ENPP6: variants seen among roughly 807,000 people sequenced by gnomAD.
The protein encoded by ENPP6 is glycerophosphocholine cholinephosphodiesterase ENPP6.
A neutral mutation model predicts 42.0 loss-of-function variants in ENPP6; 32 were observed. The ratio of observed to expected loss-of-function variants is 0.76; its 90% CI spans 0.58 to 1.02. The LOEUF (loss-of-function observed/expected upper bound fraction) is 1.02, where lower values mean the gene tolerates loss of function less well. ENPP6 is among the 50% of genes least tolerant of loss of function. The pLI is 0.00. For missense variants in ENPP6, 552 were observed against 566.8 expected (o/e 0.97, Z 0.27); for synonymous variants, 213 against 216.0 (o/e 0.99, Z 0.12).
intron 7 of ENPP6, among the ~76,000 whole-genome samples, chr4:184,094,108 T>G (rs79056496): frequency 0.043 from 6,477 of 151,944 alleles, 380 homozygotes; most frequent in African/African-American, 0.13. Flanking sequence ...TGGCAAGACC[T>G]CAACTCTGCA....
intron 2 of ENPP6, among the ~76,000 whole-genome samples, chr4:184,133,598 C>T (rs867476261): frequency 2.6e-5 from 4 of 152,064 alleles, no homozygotes; most frequent in East Asian, 1.9e-4. Flanking sequence ...CCTGCTCCCC[C>T]GAAGGACCCT....
intron 1 of ENPP6, among the ~76,000 whole-genome samples, chr4:184,169,926 G>A (rs35905078): frequency 0.081 from 12,381 of 152,168 alleles, 634 homozygotes; most frequent in South Asian, 0.16. Context: ...TCCCCACACT[G>A]GAATATTTTT....
intron 1 of ENPP6, among the ~76,000 whole-genome samples, chr4:184,193,364 A>G (rs1732734745): frequency 6.6e-6 from 1 of 152,238 alleles, no homozygotes; most frequent in African/African-American, 2.4e-5. Context: ...TTACTGAATG[A>G]AAGCAGCCAG....
intron 5 of ENPP6, 127 bp from the exon 6 acceptor site, chr4:184,112,936 T>C: frequency 1.8e-6 from 2 of 1,135,262 alleles, no homozygotes; most frequent in Non-Finnish European, 2.4e-6. Flanking sequence ...ACTTGATAGA[T>C]TTGAATATGT....
intron 2 of ENPP6, among the ~76,000 whole-genome samples, chr4:184,149,743 T>C (rs1736991707): frequency 1.3e-5 from 2 of 152,240 alleles, no homozygotes; most frequent in South Asian, 4.1e-4. Flanking sequence ...TGCTATTTTT[T>C]ATTCCTTTTT....
intron 1 of ENPP6, among the ~76,000 whole-genome samples, chr4:184,166,998 T>A (rs1737360041): frequency 6.6e-6 from 1 of 152,226 alleles, no homozygotes; most frequent in African/African-American, 2.4e-5. Flanking sequence ...ATTCTCCTCA[T>A]GCCATGGGCA....
intron 2 of ENPP6, among the ~76,000 whole-genome samples, chr4:184,133,826 A>G (rs1444501148): frequency 6.6e-6 from 1 of 151,464 alleles, no homozygotes; most frequent in Non-Finnish European, 1.5e-5. Flanking sequence ...AAATGATTAG[A>G]TGATTTTCTC....
chr4:184,165,320 T>A lies in ENPP6; in HGVS notation c.242-11587A>T, dbSNP rs545036370. Among the ~76,000 whole-genome samples, 4 of 152,346 alleles carry A rather than the reference T, an allele frequency of 2.6e-5. No homozygotes were observed. In the South Asian group the frequency reaches 8.3e-4, roughly 32 times the overall value. On this transcript the variant is annotated intron_variant, in intron 1 of 7. Transcript: ENST00000296741. Reference sequence around the variant, plus strand: ...ATATTACCTCCATTTTGCTGATGCTTAAGAACTAAGATTCAAAGTGGCTGA... The same window carrying A: ...ATATTACCTCCATTTTGCTGATGCTAAAGAACTAAGATTCAAAGTGGCTGA...
chr4:184,099,566 G>A (rs1051003398), intron 6 of ENPP6, among the ~76,000 whole-genome samples: 2 of 152,208 alleles, frequency 1.3e-5, no homozygotes, highest in Non-Finnish European at 2.9e-5. Flanking sequence ...GGCAGTGTGG[G>A]TTGTGAGGGC....
chr4:184,111,818 G>C (rs1736200076), intron 6 of ENPP6, among the ~76,000 whole-genome samples: 1 of 152,174 alleles, frequency 6.6e-6, no homozygotes, highest in Admixed American at 6.5e-5. Context: ...CACTTGCCCA[G>C]TCAGCCTTCC....
chr4:184,114,604 C>T (rs780170620), intron 5 of ENPP6, among the ~76,000 whole-genome samples: 19 of 152,112 alleles, frequency 1.2e-4, no homozygotes, highest in Non-Finnish European at 2.4e-4. Flanking sequence ...CCAAACATGG[C>T]CCCCGCTTTT....
intron 6 of ENPP6, among the ~76,000 whole-genome samples, chr4:184,103,733 T>C (rs926406883): frequency 3.9e-5 from 6 of 152,154 alleles, no homozygotes; most frequent in Admixed American, 2.0e-4. Flanking sequence ...CCCGTGGGAG[T>C]GGTGGTTATG....
At chr4:184,185,180 C>T (rs1282084730) in intron 1 of ENPP6, among the ~76,000 whole-genome samples, 2 of 152,074 alleles carry the variant, frequency 1.3e-5, no homozygotes, top group African/African-American at 4.8e-5. Flanking sequence ...TCAGAGTAGC[C>T]GGGAGTAGAA....
At chr4:184,215,917 C>A (rs967332917) in intron 1 of ENPP6, among the ~76,000 whole-genome samples, 1 of 152,142 alleles carries the variant, frequency 6.6e-6, no homozygotes, top group Admixed American at 6.5e-5. Flanking sequence ...GCAAATTATT[C>A]CTTGTGCCAA....
intron 2 of ENPP6, among the ~76,000 whole-genome samples, chr4:184,149,082 A>T (rs1426652100): frequency 6.6e-6 from 1 of 152,232 alleles, no homozygotes; most frequent in Non-Finnish European, 1.5e-5. Context: ...AATGTTATTT[A>T]AAAAATAGTG....
rs115417823 is a variant in ENPP6, at chr4:184,215,418, A to G, written c.241+2161T>C. On this transcript the variant is annotated intron_variant, in intron 1 of 7. Coordinates refer to ENST00000296741, the MANE Select transcript of ENPP6 (RefSeq NM_153343.4). Reference sequence around the variant, plus strand: ...TATATGAGTAAAAGAGGAGGTTTTCAGCATCAGGTGGAAAAATAAGTATGG... The same window carrying G: ...TATATGAGTAAAAGAGGAGGTTTTCGGCATCAGGTGGAAAAATAAGTATGG... 8.7e-3 allele frequency among the ~76,000 whole-genome samples: 1,331 copies of G among 152,334 alleles called. 23 individuals are homozygous for G. Among genetic ancestry groups the G allele is most frequent in the African/African-American group, 0.03 (1,250 of 41,570 alleles).
intron 1 of ENPP6, among the ~76,000 whole-genome samples, chr4:184,157,740 T>C (rs1232725118): frequency 6.7e-6 from 1 of 150,350 alleles, no homozygotes; most frequent in African/African-American, 2.4e-5. Flanking sequence ...CCCAAGTAGC[T>C]GGGACCACAG....
chr4:184,111,222 G>A (rs748877101), intron 6 of ENPP6, among the ~76,000 whole-genome samples: 6 of 152,270 alleles, frequency 3.9e-5, no homozygotes, highest in Non-Finnish European at 7.4e-5. Context: ...GAGTAATGAC[G>A]GATGCAAATA....
At chr4:184,113,899 T>TTTTCTTTCTTTCTTTCTTCCTTTC (rs1736257491) in intron 5 of ENPP6, among the ~76,000 whole-genome samples, 1 of 103,626 alleles carries the variant, frequency 9.7e-6, no homozygotes, top group African/African-American at 3.8e-5. Context: ...CCTTTCTTTC[T>TTTTCTTTCTTTCTTTCTTCCTTTC]TTTCTTTCTT....
Sources: allele counts gnomAD v4.1 joint callset (sites outside exome capture counted in the v4.1 genomes callset), GRCh38; gene constraint gnomAD v4.1.1; transcripts MANE v1.5; gene names NCBI Gene and HGNC (gene_info 2026-07-23, HGNC 2026-07-21).